Variants in ME1 observed in about 807,000 individuals in gnomAD.
ME1 encodes malic enzyme 1.
A neutral mutation model predicts 66.4 loss-of-function variants in ME1; 74 were observed. That is an observed-to-expected ratio of 1.11 (90% CI 0.92 to 1.35). The LOEUF (loss-of-function observed/expected upper bound fraction) is 1.35, where lower values mean the gene tolerates loss of function less well. Ranked by LOEUF, ME1 falls within the 40% of genes most tolerant of loss-of-function variation. The pLI is 0.00. For missense variants in ME1, 750 were observed against 694.1 expected, an observed-to-expected ratio of 1.08 and a Z score of -0.90; for synonymous variants, 251 against 235.6, an observed-to-expected ratio of 1.07 and a Z score of -0.60.
At chr6:83,326,971 G>T (rs1334735803) in intron 5 of ME1, among the ~76,000 whole-genome samples, 2 of 152,206 alleles carry the variant, frequency 1.3e-5, no homozygotes, top group African/African-American at 4.8e-5. Flanking sequence ...AACGTGGATT[G>T]TGAAGATTTT....
intron 9 of ME1, among the ~76,000 whole-genome samples, chr6:83,230,826 A>T (rs973218118): frequency 6.6e-6 from 1 of 152,038 alleles, no homozygotes; most frequent in Non-Finnish European, 1.5e-5. Context: ...CCAGCTACTC[A>T]GGAGGCTGAG....
chr6:83,402,273 C>T (rs914929410), intron 2 of ME1, among the ~76,000 whole-genome samples: 65 of 152,098 alleles, frequency 4.3e-4, no homozygotes, highest in Non-Finnish European at 3.4e-4. Flanking sequence ...AAAAATGGTG[C>T]TGTTTTTCTC....
chr6:83,228,689 A>T, intron 10 of ME1, 137 bp downstream of exon 10: 1 of 635,132 alleles, frequency 1.6e-6, no homozygotes, highest in Non-Finnish European at 2.8e-6. Context: ...CTAGGTCTCT[A>T]CAGGGTACTG....
At chr6:83,429,707 ATCAC>A (rs3839443) in intron 1 of ME1, among the ~76,000 whole-genome samples, 46,717 of 151,864 alleles carry the variant, frequency 0.31, 7,529 homozygotes, top group Middle Eastern at 0.48. Flanking sequence ...CACAAAAAAA[ATCAC>A]TCACACTGAC....
At chr6:83,214,595 C>T (rs546533360) in intron 13 of ME1, among the ~76,000 whole-genome samples, 3 of 152,252 alleles carry the variant, frequency 2.0e-5, no homozygotes, top group African/African-American at 7.2e-5. Flanking sequence ...TTTCTTCTGT[C>T]TTCTAGACAG....
intron 5 of ME1, among the ~76,000 whole-genome samples, chr6:83,341,541 A>G (rs1327860455): frequency 2.6e-5 from 4 of 152,082 alleles, no homozygotes; most frequent in African/African-American, 9.7e-5. Context: ...GGGAACAAAT[A>G]ATTTACTCTC....
At chr6:83,357,937 A>C (rs7383472) in intron 3 of ME1, among the ~76,000 whole-genome samples, 4,297 of 20,322 alleles carry the variant, frequency 0.21, 138 homozygotes, top group African/African-American at 0.27. Context: ...CTCTCTCTCT[A>C]TATATATATA....
chr6:83,260,721 AG>A (rs1766866336), intron 6 of ME1, among the ~76,000 whole-genome samples: 1 of 152,190 alleles, frequency 6.6e-6, no homozygotes, highest in Admixed American at 6.5e-5. Context: ...TTCTTGCATT[AG>A]TTTGCTAGGG....
At chr6:83,250,618 A>T (rs1790707007) in intron 7 of ME1, among the ~76,000 whole-genome samples, 1 of 152,198 alleles carries the variant, frequency 6.6e-6, no homozygotes, top group Admixed American at 6.5e-5. Context: ...TTACCTGTCT[A>T]CTTCTAACTT....
intron 6 of ME1, among the ~76,000 whole-genome samples, chr6:83,289,891 T>G (rs1409814510): frequency 6.6e-6 from 1 of 152,220 alleles, no homozygotes; most frequent in Non-Finnish European, 1.5e-5. Flanking sequence ...ATTTATCTGC[T>G]TCTTCTAGAT....
At chr6:83,222,411 C>G (rs2128523261) in intron 12 of ME1, among the ~76,000 whole-genome samples, 1 of 152,250 alleles carries the variant, frequency 6.6e-6, no homozygotes, top group East Asian at 1.9e-4. Flanking sequence ...GAATCTTTGT[C>G]TACATTCTTG....
At chr6:83,341,420 G>A (rs1306392535) in intron 5 of ME1, among the ~76,000 whole-genome samples, 1 of 152,094 alleles carries the variant, frequency 6.6e-6, no homozygotes, top group African/African-American at 2.4e-5. Flanking sequence ...TTGGTTTCGG[G>A]AAGCTCTTCA....
intron 2 of ME1, among the ~76,000 whole-genome samples, chr6:83,407,353 A>G (rs1399442514): frequency 6.6e-6 from 1 of 152,232 alleles, no homozygotes; most frequent in African/African-American, 2.4e-5. Context: ...GTGCAAATAC[A>G]GAAACTGAAT....
chr6:83,298,931 GTTTTTTTTTTTTT>G lies in ME1; in HGVS notation c.704+16366_704+16378del, dbSNP rs61055748. Among the ~76,000 whole-genome samples the G allele has an allele frequency of 5.6e-3, 127 of 22,482 alleles. 3 individuals are homozygous for G. Among genetic ancestry groups the G allele is most frequent in the Non-Finnish European group, 7.9e-3 (101 of 12,856 alleles). The allele number at this position is 22,482 out of a possible 152,430, so 14.7% of individuals were successfully genotyped here. On this transcript the variant is annotated intron_variant, in intron 6 of 13. Coordinates refer to ENST00000369705, the MANE Select transcript of ME1 (RefSeq NM_002395.6). ...TGCTGTTCCATTAGTCTATGTGTCTGTTTTTTTTTTTTTTTTTTTTTTTTTTTTTTTTTTTTTT... is the reference window on the plus strand; with the variant it reads ...TGCTGTTCCATTAGTCTATGTGTCTGTTTTTTTTTTTTTTTTTTTTTTTTT...
intron 1 of ME1, among the ~76,000 whole-genome samples, chr6:83,419,809 A>G (rs1770232331): frequency 1.3e-5 from 2 of 152,148 alleles, no homozygotes; most frequent in South Asian, 4.1e-4. Context: ...TGCCTACGAC[A>G]ACATCTATTT....
At position 83,233,900 on chromosome 6, in the gene ME1, A is replaced by G. The variant is rs1268772093; in HGVS notation, c.1026+3817T>C. ...ATAAGGATTTTGACTGTTTAAAAGC[A>G]TGAAAGAAAAAGTGAAACTTAATAT... On this transcript the variant is annotated intron_variant, in intron 9 of 13. Transcript: ENST00000369705. Among the ~76,000 whole-genome samples the G allele has an allele frequency of 3.3e-5, 5 of 152,194 alleles. No individual in the cohort carries two copies. In the East Asian group the frequency reaches 5.8e-4, roughly 18 times the overall value.
intron 6 of ME1, among the ~76,000 whole-genome samples, chr6:83,294,054 A>C (rs570208143): frequency 6.6e-6 from 1 of 152,240 alleles, no homozygotes; most frequent in Non-Finnish European, 1.5e-5. Context: ...TTGTAACCAG[A>C]AAACAACATA....
chr6:83,346,321 G>A lies in ME1; in HGVS notation c.452C>T (p.Thr151Ile). The A allele has an allele frequency of 6.2e-7, 1 of 1,605,350 alleles. No individual in the cohort carries two copies. Among genetic ancestry groups the A allele is most frequent in the Non-Finnish European group, 8.5e-7 (1 of 1,175,652 alleles). ...PEDVIKAIVVTDGERILGLGD... is the reference protein window; with the variant it reads ...PEDVIKAIVVIDGERILGLGD... ...CAAGCCAAGAATACGCTCTCCATCAGTCACCACAATGGCCTGGAAGAAAAA... is the reference window on the plus strand; with the variant it reads ...CAAGCCAAGAATACGCTCTCCATCAATCACCACAATGGCCTGGAAGAAAAA... Residue 151 changes from threonine to isoleucine, a missense_variant, in exon 5 of 14, where the codon ACT becomes ATT. Physicochemically the swap from Thr to Ile is moderately conservative, Grantham distance 89. Transcript: ENST00000369705.
intron 6 of ME1, among the ~76,000 whole-genome samples, chr6:83,257,893 T>C (rs1322858788): frequency 6.6e-6 from 1 of 152,172 alleles, no homozygotes; most frequent in East Asian, 1.9e-4. Flanking sequence ...CAATGTATCA[T>C]ATACTGGTGG....
Sources: gnomAD v4.1 joint callset for allele counts (sites outside exome capture counted in the v4.1 genomes callset) on GRCh38, gnomAD v4.1.1 for gene constraint, MANE v1.5 for transcripts, NCBI Gene and HGNC (gene_info 2026-07-23, HGNC 2026-07-21) for gene names.